FAM184A: variants seen among roughly 807,000 people sequenced by gnomAD.
The protein encoded by FAM184A is family with sequence similarity 184 member A.
In FAM184A, 99 loss-of-function variants were observed where a neutral mutation model predicts 143.8. The ratio of observed to expected loss-of-function variants is 0.69; its 90% CI spans 0.58 to 0.81. The LOEUF is 0.81. Ranked by LOEUF, FAM184A falls within the 40% of genes least tolerant of loss-of-function variation. The pLI, the probability that FAM184A is intolerant of heterozygous loss-of-function variation, is 0.00. For missense variants in FAM184A, 1,217 were observed against 1,310.5 expected, an observed-to-expected ratio of 0.93 and a Z score of 1.10; for synonymous variants, 427 against 446.4, an observed-to-expected ratio of 0.96 and a Z score of 0.55.
chr6:119,141,308 C>A (rs1338843383), intron 1 of FAM184A, among the ~76,000 whole-genome samples: 1 of 152,156 alleles, frequency 6.6e-6, no homozygotes, highest in Non-Finnish European at 1.5e-5. Context: ...CTGTCCAAGC[C>A]TCTGAGAAGT....
chr6:119,031,035 G>A (rs1785850894), intron 1 of FAM184A, among the ~76,000 whole-genome samples: 1 of 151,848 alleles, frequency 6.6e-6, no homozygotes, highest in African/African-American at 2.4e-5. Flanking sequence ...TTTTAACTAT[G>A]TATTTCATGA....
At chr6:119,071,242 A>AT (rs1382453440) in intron 1 of FAM184A, among the ~76,000 whole-genome samples, 32 of 152,216 alleles carry the variant, frequency 2.1e-4, no homozygotes, top group Admixed American at 2.1e-3. Flanking sequence ...TAGTGAATCA[A>AT]TAAAAACTGG....
At position 119,023,056 on chromosome 6, in the gene FAM184A, C is replaced by T. The variant is rs1785503615; in HGVS notation, c.1039G>A (p.Ala347Thr). Reference sequence around the variant, plus strand: ...AATAGGGCCATTTCTCCCTCCTTGGCATCATCAAGCTGTTTTTGAAGAACC... The same window carrying T: ...AATAGGGCCATTTCTCCCTCCTTGGTATCATCAAGCTGTTTTTGAAGAACC... ...VQVLQKQLDD[A>T]KEGEMALLSK... is the part of the protein sequence containing the mutation. The change falls in exon 3 of 18, where the codon GCC becomes ACC. Residue 347 changes from alanine to threonine, a missense_variant. Coordinates refer to ENST00000338891, the MANE Select transcript of FAM184A (RefSeq NM_024581.6). The T allele has an allele frequency of 6.2e-7, 1 of 1,614,124 alleles. No individual in the cohort carries two copies. The highest frequency in any genetic ancestry group is 1.3e-5 in the African/African-American group (1 of 75,042).
chr6:118,978,241 G>C (rs1398198469), intron 11 of FAM184A, among the ~76,000 whole-genome samples: 1 of 152,202 alleles, frequency 6.6e-6, no homozygotes, highest in East Asian at 1.9e-4. Flanking sequence ...GGGATTAGAG[G>C]TGTGAGCCAC....
At chr6:119,035,286 A>G (rs1374947380) in intron 1 of FAM184A, among the ~76,000 whole-genome samples, 1 of 152,170 alleles carries the variant, frequency 6.6e-6, no homozygotes, top group African/African-American at 2.4e-5. Flanking sequence ...TATGATAGGA[A>G]GAGGGGGTCA....
chr6:118,980,493 A>G (rs1212427926), intron 9 of FAM184A, 143 bp from the exon 10 acceptor site: 15 of 625,300 alleles, frequency 2.4e-5, no homozygotes, highest in Non-Finnish European at 3.6e-5. Context: ...ATTCTAAAAT[A>G]TATCATAAAA....
intron 1 of FAM184A, among the ~76,000 whole-genome samples, chr6:119,043,635 C>T (rs1442987284): frequency 2.0e-5 from 3 of 152,180 alleles, no homozygotes; most frequent in Non-Finnish European, 4.4e-5. Context: ...CCCTGCCCCA[C>T]CTCGGCACCT....
intron 1 of FAM184A, among the ~76,000 whole-genome samples, chr6:119,131,437 T>C (rs1027082155): frequency 6.6e-6 from 1 of 152,196 alleles, no homozygotes; most frequent in Non-Finnish European, 1.5e-5. Flanking sequence ...TCTTCCTTAT[T>C]CTTTTTTCAA....
At chr6:118,987,048 A>G (rs530140391) in intron 9 of FAM184A, among the ~76,000 whole-genome samples, 1 of 152,366 alleles carries the variant, frequency 6.6e-6, no homozygotes, top group South Asian at 2.1e-4. Flanking sequence ...ATTTTCTTGC[A>G]TAGTAGGAAA....
chr6:119,011,983 T>C (rs1309897084), intron 5 of FAM184A, among the ~76,000 whole-genome samples: 1 of 152,188 alleles, frequency 6.6e-6, no homozygotes, highest in Non-Finnish European at 1.5e-5. Context: ...AATAAGCTCA[T>C]GGTATCAAAC....
intron 3 of FAM184A, among the ~76,000 whole-genome samples, chr6:119,020,797 A>G (rs1048945419): frequency 1.3e-5 from 2 of 152,134 alleles, no homozygotes; most frequent in African/African-American, 4.8e-5. Flanking sequence ...CTATGACTGC[A>G]CCTGTAACAG....
At chr6:119,110,768 G>T (rs534806861) in intron 1 of FAM184A, among the ~76,000 whole-genome samples, 49 of 152,168 alleles carry the variant, frequency 3.2e-4, no homozygotes, top group Non-Finnish European at 6.3e-4. Flanking sequence ...AGTACTCCTT[G>T]TTAGTTAAAC....
chr6:118,965,211 T>TG lies in FAM184A; in HGVS notation c.3034-441_3034-440insC, dbSNP rs572824726. Among the ~76,000 whole-genome samples, 1,121 of 150,362 alleles carry TG rather than the reference T, an allele frequency of 7.5e-3. 6 individuals carry two copies. Among genetic ancestry groups the TG allele is most frequent in the Middle Eastern group, 0.024 (7 of 292 alleles). ...AGCTAAGTTTTTTTTGTTTGTTTTTTTTTTTTTTTTGGTGTGTGTAGAGGT... is the reference window on the plus strand; with the variant it reads ...AGCTAAGTTTTTTTTGTTTGTTTTTTGTTTTTTTTTTGGTGTGTGTAGAGGT... On this transcript the variant is annotated intron_variant, in intron 15 of 17. Transcript: ENST00000338891.
At chr6:119,102,290 C>A (rs750718638) in intron 1 of FAM184A, among the ~76,000 whole-genome samples, 3 of 152,014 alleles carry the variant, frequency 2.0e-5, no homozygotes, top group Non-Finnish European at 4.4e-5. Context: ...TGTAGGCCAG[C>A]AGTTAGTGGA....
chr6:119,034,147 TGAG>T (rs1282361098), intron 1 of FAM184A, among the ~76,000 whole-genome samples: 28 of 141,336 alleles, frequency 2.0e-4, no homozygotes, highest in African/African-American at 6.7e-4. Flanking sequence ...AATATTAAAA[TGAG>T]GAGATCATAA....
chr6:118,963,875 A>G (rs2114533917), intron 16 of FAM184A: 1 of 152,190 alleles, frequency 6.6e-6, no homozygotes, highest in Non-Finnish European at 1.5e-5. Context: ...CTGAACAAAT[A>G]TTTACTGAAT....
chr6:118,976,472 G>C (rs972395689), intron 11 of FAM184A, among the ~76,000 whole-genome samples: 12 of 152,138 alleles, frequency 7.9e-5, no homozygotes, highest in Admixed American at 3.3e-4. Flanking sequence ...AGACCAGCCT[G>C]ATCAACATGG....
At chr6:118,967,428 C>G (rs9372519) in intron 14 of FAM184A, among the ~76,000 whole-genome samples, 1 of 152,094 alleles carries the variant, frequency 6.6e-6, no homozygotes, top group African/African-American at 2.4e-5. Flanking sequence ...ACAAAGGACA[C>G]ACATGTATGA....
At chr6:119,102,193 T>TC (rs1485901708) in intron 1 of FAM184A, among the ~76,000 whole-genome samples, 3 of 152,188 alleles carry the variant, frequency 2.0e-5, no homozygotes, top group Non-Finnish European at 4.4e-5. Flanking sequence ...TTGTTTTCCA[T>TC]CCCTCATCAG....
Sources: gnomAD v4.1 joint callset for allele counts (sites outside exome capture counted in the v4.1 genomes callset) on GRCh38, gnomAD v4.1.1 for gene constraint, MANE v1.5 for transcripts, NCBI Gene and HGNC (gene_info 2026-07-23, HGNC 2026-07-21) for gene names.